The following AKAP19 variants were observed in gnomAD, a reference collection of about 807,000 sequenced individuals.
AKAP19 encodes the protein small A-kinase anchoring protein.
chr2:190,191,289 T>C, the AKAP19 span, among the ~76,000 whole-genome samples: 1 of 152,056 alleles, frequency 6.6e-6, no homozygotes, highest in Admixed American at 6.6e-5. Flanking sequence ...ACTACAGGTG[T>C]GCACCACTAT....
At chr2:190,166,317 C>CTTTTTTTTTTTTTTTTT in the AKAP19 span, among the ~76,000 whole-genome samples, 20 of 65,300 alleles carry the variant, frequency 3.1e-4, 1 homozygote, top group African/African-American at 1.1e-3. Context: ...AAAATCCACT[C>CTTTTTTTTTTTTTTTTT]TTTTTTTTTT....
the AKAP19 span, among the ~76,000 whole-genome samples, chr2:189,903,261 A>C: frequency 6.6e-6 from 1 of 152,010 alleles, no homozygotes; most frequent in Non-Finnish European, 1.5e-5. Flanking sequence ...TACTGGTTGA[A>C]AAACCAAAAT....
At chr2:189,946,364 G>T in the AKAP19 span, among the ~76,000 whole-genome samples, 2 of 152,134 alleles carry the variant, frequency 1.3e-5, no homozygotes, top group Non-Finnish European at 2.9e-5. Flanking sequence ...AATCCCAATG[G>T]CTTGGGTGGC....
At chr2:190,062,647 CTTTTCT>C in the AKAP19 span, 2 of 1,581,744 alleles carry the variant, frequency 1.3e-6, no homozygotes, top group Non-Finnish European at 1.7e-6. Context: ...CTTCCTTTTA[CTTTTCT>C]TTTGCTTTTG....
chr2:190,029,016 T>C, the AKAP19 span, among the ~76,000 whole-genome samples: 6 of 152,128 alleles, frequency 3.9e-5, no homozygotes, highest in African/African-American at 1.4e-4. Flanking sequence ...TAAGGAGATA[T>C]TCGAGTGTGG....
At chr2:189,880,356 G>A in the AKAP19 span, among the ~76,000 whole-genome samples, 7 of 152,174 alleles carry the variant, frequency 4.6e-5, no homozygotes, top group Non-Finnish European at 8.8e-5. Context: ...AAACCAAAAA[G>A]CATCTGAGAT....
the AKAP19 span, chr2:189,923,361 C>T: frequency 8.1e-6 from 13 of 1,612,630 alleles, no homozygotes; most frequent in Non-Finnish European, 1.0e-5. Flanking sequence ...ACCAACAAGA[C>T]AGATCCTCGT....
At chr2:190,052,256 T>A in the AKAP19 span, among the ~76,000 whole-genome samples, 2,842 of 152,288 alleles carry the variant, frequency 0.019, 57 homozygotes, top group African/African-American at 0.046. Flanking sequence ...TTACTTGAGT[T>A]GCCTGAAAAG....
chr2:189,889,118 T>C, the AKAP19 span, among the ~76,000 whole-genome samples: 2 of 150,818 alleles, frequency 1.3e-5, no homozygotes, highest in East Asian at 3.8e-4. Flanking sequence ...TATCAATACC[T>C]AGTTTATTGA....
the AKAP19 span, among the ~76,000 whole-genome samples, chr2:190,026,167 G>A: frequency 9.9e-5 from 15 of 152,198 alleles, no homozygotes; most frequent in African/African-American, 3.1e-4. Flanking sequence ...GTAGTTGCTT[G>A]TTTCTTCTAC....
At chr2:189,962,431 A>G in the AKAP19 span, among the ~76,000 whole-genome samples, 2 of 152,202 alleles carry the variant, frequency 1.3e-5, no homozygotes, top group African/African-American at 4.8e-5. Context: ...AGAAACACTA[A>G]AGGCTAGAAT....
chr2:189,887,782 G>C, the AKAP19 span, among the ~76,000 whole-genome samples: 2 of 151,716 alleles, frequency 1.3e-5, no homozygotes, highest in African/African-American at 4.8e-5. Flanking sequence ...AGAAGTGTCT[G>C]TTCATATCCT....
At chr2:190,175,533 C>A in the AKAP19 span, among the ~76,000 whole-genome samples, 2 of 152,192 alleles carry the variant, frequency 1.3e-5, no homozygotes, top group Non-Finnish European at 2.9e-5. Flanking sequence ...CATTTAGTTA[C>A]ACCTGGAGAA....
the AKAP19 span, among the ~76,000 whole-genome samples, chr2:189,929,802 T>G: frequency 6.6e-6 from 1 of 152,174 alleles, no homozygotes; most frequent in African/African-American, 2.4e-5. Flanking sequence ...ACTACTTTTT[T>G]TGTGTGTGCC....
At chr2:189,924,498 TG>T in the AKAP19 span, among the ~76,000 whole-genome samples, 1 of 152,208 alleles carries the variant, frequency 6.6e-6, no homozygotes, top group Non-Finnish European at 1.5e-5. Context: ...AAATGATGTA[TG>T]GTTTTTATCA....
At chr2:190,038,893 TTTCTTTCTTTCTTC>T in the AKAP19 span, among the ~76,000 whole-genome samples, 3 of 42,438 alleles carry the variant, frequency 7.1e-5, no homozygotes, top group South Asian at 2.0e-3. Flanking sequence ...TCTTTCTTTC[TTTCTTTCTTTCTTC>T]TTCTTCTTCT....
At chr2:189,965,132 G>A in the AKAP19 span, among the ~76,000 whole-genome samples, 18 of 152,178 alleles carry the variant, frequency 1.2e-4, no homozygotes, top group Admixed American at 2.6e-4. Flanking sequence ...TATCAATATT[G>A]TTGCATCTTA....
the AKAP19 span, among the ~76,000 whole-genome samples, chr2:190,070,613 CT>C: frequency 0.013 from 1,744 of 130,760 alleles, 9 homozygotes; most frequent in Non-Finnish European, 0.02. Context: ...TTCCCTCTCT[CT>C]CCCCCCCCCC....
the AKAP19 span, among the ~76,000 whole-genome samples, chr2:189,989,280 C>CA: frequency 7.2e-4 from 108 of 150,082 alleles, 3 homozygotes; most frequent in South Asian, 4.8e-3. Context: ...ACCTTCCCCG[C>CA]AAAAAAAAAG....
Sources: gnomAD v4.1 joint callset for allele counts (sites outside exome capture counted in the v4.1 genomes callset) on GRCh38, gnomAD v4.1.1 for gene constraint, MANE v1.5 for transcripts, NCBI Gene and HGNC (gene_info 2026-07-23, HGNC 2026-07-21) for gene names.